Variants in HTRA4 observed in about 807,000 individuals in gnomAD.
HTRA4 encodes HtrA serine peptidase 4.
A neutral mutation model predicts 49.1 loss-of-function variants in HTRA4; 46 were observed. The ratio of observed to expected loss-of-function variants is 0.94; its 90% CI spans 0.74 to 1.20. The LOEUF (loss-of-function observed/expected upper bound fraction) is 1.20. Among genes scored for constraint, HTRA4 ranks in the 50% most tolerant of loss-of-function variants. HTRA4 has a pLI of 0.00. For synonymous variants in HTRA4, 261 were observed against 264.0 expected (o/e 0.99, Z 0.11); for missense variants, 602 against 636.9 (o/e 0.95, Z 0.59).
intron 2 of HTRA4, 22 bp from the exon 3 acceptor site, chr8:38,976,513 C>T (rs1411479840): frequency 1.9e-6 from 3 of 1,612,134 alleles, no homozygotes; most frequent in Non-Finnish European, 2.5e-6. Context: ...CCTCTGTTTA[C>T]ACTATTGTCT....
intron 5 of HTRA4, among the ~76,000 whole-genome samples, chr8:38,981,085 T>TTTTTG (rs1835416327): frequency 3.2e-5 from 4 of 123,788 alleles, no homozygotes; most frequent in Admixed American, 1.5e-4. Flanking sequence ...TTTTTTTTTT[T>TTTTTG]TTTTTTTTTT....
chr8:38,974,851 T>C (rs976740123), intron 1 of HTRA4, 122 bp downstream of exon 1: 8 of 1,176,286 alleles, frequency 6.8e-6, no homozygotes, highest in South Asian at 6.0e-5. Context: ...GCCTCCTGGA[T>C]TCGACACCTC....
chr8:38,974,831 T>G (rs535056086), intron 1 of HTRA4, 102 bp downstream of exon 1: 5 of 1,218,182 alleles, frequency 4.1e-6, no homozygotes, highest in South Asian at 3.0e-5. Context: ...CTGGTCCTCC[T>G]GCGTCATTTG....
In HTRA4 at chr8:38,985,224, G is replaced by C. The variant is rs996555974; in HGVS notation, c.1268+2176G>C. Among the ~76,000 whole-genome samples, 3 of 141,558 alleles carry C rather than the reference G, an allele frequency of 2.1e-5. No homozygotes were observed. In the South Asian group the frequency reaches 6.6e-4, roughly 31 times the overall value. 92.9% of individuals were successfully genotyped at this position (141,558 alleles called of 152,430 possible). ...TCACCAGGCTGGAGTGCAGTGATGC[G>C]ATCTCGGCTCACTGCAACCTCTGCC... On this transcript the variant is annotated intron_variant, in intron 8 of 8. Transcript: ENST00000302495.
intron 8 of HTRA4, 104 bp from the exon 9 acceptor site, chr8:38,987,832 C>A: frequency 1.0e-6 from 1 of 974,680 alleles, no homozygotes; most frequent in Non-Finnish European, 1.4e-6. Context: ...ATGCTTAATG[C>A]CAGCAAAATA....
intron 1 of HTRA4, 118 bp downstream of exon 1, chr8:38,974,847 T>G: frequency 8.5e-7 from 1 of 1,171,442 alleles, no homozygotes; most frequent in Non-Finnish European, 1.2e-6. Context: ...ATTTGCCTCC[T>G]GGATTCGACA....
chr8:38,983,482 C>T (rs576805397), intron 8 of HTRA4, among the ~76,000 whole-genome samples: 9 of 151,958 alleles, frequency 5.9e-5, no homozygotes, highest in Admixed American at 1.3e-4. Context: ...GCTGAGATCA[C>T]GCCACTGTAC....
chr8:38,974,402 A>T lies in HTRA4; in HGVS notation c.139A>T (p.Thr47Ser). 6.4e-7 allele frequency: 1 copy of T among 1,562,086 alleles called. No individual in the cohort carries two copies. The highest frequency in any genetic ancestry group is 8.7e-7 in the Non-Finnish European group (1 of 1,156,064). The change falls in exon 1 of 9, where the codon ACG becomes TCG. Residue 47 changes from threonine to serine, a missense_variant. By Grantham distance (58) the Thr-to-Ser change is moderately conservative. Coordinates refer to ENST00000302495, the MANE Select transcript of HTRA4 (RefSeq NM_153692.4). ...CTCCTGCCCCGCGGTCTGCCAGCCC[A>T]CGCGCTGCCCCGCGCTGCCCACCTG... Reference protein sequence around the residue: ...QPSCPAVCQPTRCPALPTCAL... With the variant: ...QPSCPAVCQPSRCPALPTCAL...
Position 38,976,431 on chromosome 8 carries a change from A to T in HTRA4, c.567-104A>T, listed in dbSNP as rs1483845222. 5 of 1,025,914 alleles carry T rather than the reference A, an allele frequency of 4.9e-6. No homozygotes were observed. In the African/African-American group the frequency reaches 8.1e-5, roughly 17 times the overall value. 63.6% of individuals were successfully genotyped at this position (1,025,914 alleles called of 1,614,324 possible). On this transcript the variant is annotated intron_variant, in intron 2 of 8. Coordinates refer to ENST00000302495, the MANE Select transcript of HTRA4 (RefSeq NM_153692.4). ...AAAAAGAAAAGAAAAGAAAACTATGATGGAGGTATGTTTAATAAGAGTGAG... is the reference window on the plus strand; with the variant it reads ...AAAAAGAAAAGAAAAGAAAACTATGTTGGAGGTATGTTTAATAAGAGTGAG...
At chr8:38,977,339 T>A (rs1375558135) in intron 3 of HTRA4, among the ~76,000 whole-genome samples, 1 of 151,482 alleles carries the variant, frequency 6.6e-6, no homozygotes, top group African/African-American at 2.4e-5. Flanking sequence ...TCTTAGGATA[T>A]CAGAAATTAC....
intron 8 of HTRA4, among the ~76,000 whole-genome samples, chr8:38,984,901 G>A (rs570587498): frequency 6.6e-6 from 1 of 152,250 alleles, no homozygotes; most frequent in Non-Finnish European, 1.5e-5. Context: ...GTGCAACAGA[G>A]TGAGACCCTG....
intron 5 of HTRA4, among the ~76,000 whole-genome samples, chr8:38,980,652 C>T (rs569435284): frequency 1.3e-5 from 2 of 151,706 alleles, no homozygotes; most frequent in African/African-American, 2.4e-5. Flanking sequence ...GCAGGAGAAT[C>T]GCTTGAACCC....
At chr8:38,986,651 C>A (rs1433948095) in intron 8 of HTRA4, among the ~76,000 whole-genome samples, 1 of 152,188 alleles carries the variant, frequency 6.6e-6, no homozygotes, top group African/African-American at 2.4e-5. Context: ...AGCTGTGGTA[C>A]AAAGAGGTTC....
chr8:38,977,486 G>C (rs1835367880), intron 3 of HTRA4, among the ~76,000 whole-genome samples: 1 of 152,150 alleles, frequency 6.6e-6, no homozygotes, highest in Non-Finnish European at 1.5e-5. Flanking sequence ...TACCCAGATA[G>C]ATGTGCTGAC....
At chr8:38,983,103 A>C in intron 8 of HTRA4, 55 bp downstream of exon 8, 1 of 1,160,654 alleles carries the variant, frequency 8.6e-7, no homozygotes, top group South Asian at 1.3e-5. Context: ...AATGTGTGCC[A>C]TGGTAAAATG....
At chr8:38,977,558 T>G (rs1184072705) in intron 3 of HTRA4, among the ~76,000 whole-genome samples, 1 of 152,212 alleles carries the variant, frequency 6.6e-6, no homozygotes. Context: ...GTGTGAGAAG[T>G]GTCACCCTGG....
chr8:38,975,432 A>G (rs1835338134), intron 2 of HTRA4, among the ~76,000 whole-genome samples: 1 of 152,012 alleles, frequency 6.6e-6, no homozygotes, highest in Non-Finnish European at 1.5e-5. Flanking sequence ...TTTTTTTGAG[A>G]CAAGGTCTTG....
At chr8:38,981,132 T>C (rs1340223230) in intron 5 of HTRA4, among the ~76,000 whole-genome samples, 1 of 123,866 alleles carries the variant, frequency 8.1e-6, no homozygotes, top group South Asian at 2.9e-4. Flanking sequence ...CAGGCCGGAG[T>C]GCAGTGGCGC....
chr8:38,976,488 C>A, intron 2 of HTRA4, 47 bp from the exon 3 acceptor site: 4 of 1,555,552 alleles, frequency 2.6e-6, no homozygotes, highest in Non-Finnish European at 3.5e-6. Context: ...TGGCTGTATC[C>A]CCTAACTTTC....
Sources: gnomAD v4.1 joint callset for allele counts (sites outside exome capture counted in the v4.1 genomes callset) on GRCh38, gnomAD v4.1.1 for gene constraint, MANE v1.5 for transcripts, NCBI Gene and HGNC (gene_info 2026-07-23, HGNC 2026-07-21) for gene names.